Variants in SRSF5 observed in about 807,000 individuals in gnomAD.
SRSF5 encodes serine and arginine rich splicing factor 5.
In SRSF5, 5 loss-of-function variants were observed where a neutral mutation model predicts 34.0. The observed-to-expected ratio is 0.15, with a 90% CI of 0.08 to 0.31. SRSF5 has a LOEUF of 0.31. Among genes scored for constraint, SRSF5 ranks in the 10% least tolerant of loss-of-function variants. The pLI is 1.00. For synonymous variants in SRSF5, 164 were observed against 117.7 expected (o/e 1.39, Z -2.55); for missense variants, 223 against 351.4 (o/e 0.63, Z 2.92).
chr14:69,770,954 C>T lies in SRSF5; in HGVS notation c.441-41C>T, dbSNP rs558948835. ...CTGCTGTGTGCAATGTGTGAGACTA[C>T]AGGATGTATATACTTTAAAAGTGGC... On this transcript the variant is annotated intron_variant, in intron 6 of 7. Coordinates refer to ENST00000557154, the MANE Select transcript of SRSF5 (RefSeq NM_001320214.2). 123 of 1,538,998 alleles carry T rather than the reference C, an allele frequency of 8.0e-5. 3 individuals carry two copies. The South Asian group carries it at 1.3e-3, about 17-fold the overall frequency.
intron 5 of SRSF5, chr14:69,769,642 T>G: frequency 6.5e-7 from 1 of 1,533,372 alleles, no homozygotes; most frequent in African/African-American, 1.4e-5. Flanking sequence ...CACCTCTAGA[T>G]CTGTGTTTGC....
At chr14:69,770,611 C>T (rs1883083602) in intron 6 of SRSF5, 71 bp downstream of exon 6, 3 of 1,396,214 alleles carry the variant, frequency 2.1e-6, no homozygotes, top group Non-Finnish European at 2.0e-6. Context: ...GTTTTGAGGA[C>T]TTAAAATTTG....
rs931054006 is a variant in SRSF5 at position 69,770,376 on chromosome 14, C to T, written c.367-91C>T. 3.9e-6 allele frequency: 6 copies of T among 1,531,062 alleles called. No individual in the cohort carries two copies. The African/African-American group carries it at 4.2e-5, about 11-fold the overall frequency. 94.8% of individuals were successfully genotyped at this position (1,531,062 alleles called of 1,614,324 possible). A position where few individuals can be genotyped will look rare whatever the true frequency, so the allele number is the denominator to read the frequency against. The stretch of plus-strand genomic sequence containing the variant: ...ATGTTTGTACTTTATCTAACATCTT[C>T]TCTTTCAGTAGTCTTGTTTTTTTTA... On this transcript the variant is annotated intron_variant, in intron 5 of 7. Coordinates refer to ENST00000557154, the MANE Select transcript of SRSF5 (RefSeq NM_001320214.2).
In SRSF5 at chr14:69,770,559, GAA is replaced by G. The variant is rs758773555; in HGVS notation, c.440+21_440+22del. 2 of 1,601,592 alleles carry G rather than the reference GAA, an allele frequency of 1.2e-6. No individual in the cohort carries two copies. Among genetic ancestry groups the G allele is most frequent in the Non-Finnish European group, 1.7e-6 (2 of 1,173,574 alleles). On this transcript the variant is annotated intron_variant, in intron 6 of 7. Transcript: ENST00000557154. Reference sequence around the variant, plus strand: ...ATGAAGGGTATGTACTGGAAACTGTGAAAGTCTTTAAAAATATCCGGAAAATT... The same window carrying G: ...ATGAAGGGTATGTACTGGAAACTGTGAGTCTTTAAAAATATCCGGAAAATT...
chr14:69,769,318 GTTGTA>G (rs1475338066), intron 5 of SRSF5, 67 bp downstream of exon 5: 2 of 1,590,290 alleles, frequency 1.3e-6, no homozygotes, highest in Non-Finnish European at 1.7e-6. Context: ...GGTAGCTAAT[GTTGTA>G]TTGTTTTATT....
In SRSF5 at chr14:69,771,383, A is replaced by C. The variant is rs773380718; in HGVS notation, c.741A>C (p.Arg247Ser). ...EKSQKRGSSS[R>S]SKSPASVDRQ... ...GCCAGAAACGTGGTTCTTCAAGTAGATCTAAGTCTCCAGCATCTGTGGATC... is the reference window on the plus strand; with the variant it reads ...GCCAGAAACGTGGTTCTTCAAGTAGCTCTAAGTCTCCAGCATCTGTGGATC... Residue 247 changes from arginine to serine, a missense_variant, in exon 8 of 8, where the codon AGA becomes AGC. Transcript: ENST00000557154. The C allele has an allele frequency of 6.2e-7, 1 of 1,614,214 alleles. No homozygotes were observed. The highest frequency in any genetic ancestry group is 1.1e-5 in the South Asian group (1 of 91,084).
At position 69,767,178 on chromosome 14, in the gene SRSF5, G is replaced by C; in HGVS notation, c.-97G>C. On this transcript the variant is annotated 5_prime_UTR_variant, in exon 1 of 8. Coordinates refer to ENST00000557154, the MANE Select transcript of SRSF5 (RefSeq NM_001320214.2). ...AGTGGCGTAGACGAGTTAAGTCCTG[G>C]TCTGCGTGGAGGTCGACGACTCCGT... 5.6e-6 allele frequency: 2 copies of C among 354,806 alleles called. No homozygotes were observed. The highest frequency in any genetic ancestry group is 2.1e-5 in the African/African-American group (1 of 46,742). The allele number at this position is 354,806 out of a possible 1,614,324, so 22.0% of individuals were successfully genotyped here. A position where few individuals can be genotyped will look rare whatever the true frequency, so the allele number is the denominator to read the frequency against.
chr14:69,770,938 G>C, intron 6 of SRSF5, 57 bp from the exon 7 acceptor site: 1 of 1,431,870 alleles, frequency 7.0e-7, no homozygotes, highest in Non-Finnish European at 9.6e-7. Flanking sequence ...ACTGCTGTGT[G>C]CAATGTGTGA....
chr14:69,771,562 T>C lies in SRSF5; in HGVS notation c.*101T>C. Reference sequence around the variant, plus strand: ...AAATTCTGGTAAGTATGTGCTTTTCTGTGGGGGTGGGATTTGGAAGGGGGG... The same window carrying C: ...AAATTCTGGTAAGTATGTGCTTTTCCGTGGGGGTGGGATTTGGAAGGGGGG... On this transcript the variant is annotated 3_prime_UTR_variant, in exon 8 of 8. Coordinates refer to ENST00000557154, the MANE Select transcript of SRSF5 (RefSeq NM_001320214.2). 2.1e-6 allele frequency: 2 copies of C among 965,072 alleles called. No homozygotes were observed. Among genetic ancestry groups the C allele is most frequent in the Non-Finnish European group, 2.9e-6 (2 of 699,770 alleles). The allele number at this position is 965,072 out of a possible 1,614,324, so 59.8% of individuals were successfully genotyped here.
At chr14:69,767,395 A>C (rs994828931) in intron 1 of SRSF5, 140 bp downstream of exon 1, 5 of 455,664 alleles carry the variant, frequency 1.1e-5, no homozygotes, top group Non-Finnish European at 2.2e-5. Context: ...GCGCTGGGGC[A>C]CGTCTCCCTT....
intron 2 of SRSF5, 69 bp downstream of exon 2, chr14:69,768,351 CTT>C: frequency 6.3e-7 from 1 of 1,589,888 alleles, no homozygotes; most frequent in Admixed American, 1.7e-5. Context: ...TGTTTTCGAT[CTT>C]GAGTCCGGGT....
rs994225508 is a variant in SRSF5, at chr14:69,768,011, C to G, written c.-19-127C>G. ...AGGTAACCTGGCCTCATTAGAGGCT[C>G]TGTTGGCAATCTCGTTCATAACATC... is the stretch of plus-strand genomic sequence containing the variant. On this transcript the variant is annotated intron_variant, in intron 1 of 7. Coordinates refer to ENST00000557154, the MANE Select transcript of SRSF5 (RefSeq NM_001320214.2). 4 of 1,074,898 alleles carry G rather than the reference C, an allele frequency of 3.7e-6. No individual in the cohort carries two copies. In the African/African-American group the frequency reaches 6.4e-5, roughly 17 times the overall value. The allele number at this position is 1,074,898 out of a possible 1,614,324, so 66.6% of individuals were successfully genotyped here. A position where few individuals can be genotyped will look rare whatever the true frequency, so the allele number is the denominator to read the frequency against.
intron 2 of SRSF5, 23 bp from the exon 3 acceptor site, chr14:69,768,581 A>T: frequency 6.2e-7 from 1 of 1,610,530 alleles, no homozygotes. Context: ...GCCAATGTTA[A>T]GAGTCTTATG....
chr14:69,770,609 G>A (rs1883083363), intron 6 of SRSF5, 69 bp downstream of exon 6: 40 of 1,418,070 alleles, frequency 2.8e-5, no homozygotes, highest in Non-Finnish European at 3.6e-5. Context: ...TAGTTTTGAG[G>A]ACTTAAAATT....
chr14:69,767,758 G>C (rs1419791300), intron 1 of SRSF5: 1 of 352,044 alleles, frequency 2.8e-6, no homozygotes, highest in Non-Finnish European at 5.6e-6. Flanking sequence ...GCTTCCACCC[G>C]CTGTGACGCG....
chr14:69,771,519 C>T lies in SRSF5; in HGVS notation c.*58C>T. 2 of 1,574,180 alleles carry T rather than the reference C, an allele frequency of 1.3e-6. No individual in the cohort carries two copies. Among genetic ancestry groups the T allele is most frequent in the Non-Finnish European group, 1.7e-6 (2 of 1,162,094 alleles). The stretch of plus-strand genomic sequence containing the variant: ...TAAAAAACAAAAACCACAAAAATTC[C>T]CAAACCATACTTGCTAAAAATTCTG... On this transcript the variant is annotated 3_prime_UTR_variant, in exon 8 of 8. Coordinates refer to ENST00000557154, the MANE Select transcript of SRSF5 (RefSeq NM_001320214.2).
At position 69,771,165 on chromosome 14, in the gene SRSF5, C is replaced by T. The variant is rs754939337; in HGVS notation, c.552-29C>T. The T allele has an allele frequency of 2.5e-5, 41 of 1,613,646 alleles. No homozygotes were observed. The East Asian group carries it at 6.2e-4, about 25-fold the overall frequency. The stretch of plus-strand genomic sequence containing the variant: ...TAATGGGTTTGTTGTAGAGTCTTAT[C>T]TAGGCTGATTTCTTTTCATTTTTCA... On this transcript the variant is annotated intron_variant, in intron 7 of 7. Coordinates refer to ENST00000557154, the MANE Select transcript of SRSF5 (RefSeq NM_001320214.2).
At chr14:69,768,107 C>A (rs757030710) in intron 1 of SRSF5, 31 bp from the exon 2 acceptor site, 1 of 1,612,032 alleles carries the variant, frequency 6.2e-7, no homozygotes, top group East Asian at 2.2e-5. Context: ...ACAGTCATTG[C>A]TATTATCTCG....
rs1883254017 is a variant in SRSF5 at position 69,771,859 on chromosome 14, A to C, written c.*398A>C. ...ATTAAACTAATTAATAGCTTTGGAC[A>C]CTTAAAAGAGCTCTAAATTTGCTTG... is the stretch of plus-strand genomic sequence containing the variant. On this transcript the variant is annotated 3_prime_UTR_variant, in exon 8 of 8. Transcript: ENST00000557154. 1 of 176,512 alleles carries C rather than the reference A, an allele frequency of 5.7e-6. No homozygotes were observed. Among genetic ancestry groups the C allele is most frequent in the African/African-American group, 2.4e-5 (1 of 41,750 alleles). The allele number at this position is 176,512 out of a possible 1,614,324, so 10.9% of individuals were successfully genotyped here.
Sources: allele counts gnomAD v4.1 joint callset, GRCh38; gene constraint gnomAD v4.1.1; transcripts MANE v1.5; gene names NCBI Gene and HGNC (gene_info 2026-07-23, HGNC 2026-07-21).